Variants in ZNF846 observed in about 807,000 individuals in gnomAD.
The protein encoded by ZNF846 is zinc finger protein 846.
ZNF846 carries 15 observed loss-of-function variants against 16.0 expected under a neutral mutation model. The observed-to-expected ratio is 0.94, with a 90% CI of 0.63 to 1.45. The LOEUF is 1.45. ZNF846 is among the 40% of genes most tolerant of loss of function. The probability of loss-of-function intolerance (pLI) is 0.00; values close to 1 mark genes in which losing one functional copy is unlikely to be tolerated. For missense variants in ZNF846, 714 were observed against 622.3 expected, an observed-to-expected ratio of 1.15 and a Z score of -1.57; for synonymous variants, 229 against 212.0, an observed-to-expected ratio of 1.08 and a Z score of -0.70.
At chr19:9,760,129 T>C (rs2045201248) in intron 4 of ZNF846, among the ~76,000 whole-genome samples, 187 bp from the exon 5 acceptor site, 1 of 151,070 alleles carries the variant, frequency 6.6e-6, no homozygotes, top group Non-Finnish European at 1.5e-5. Flanking sequence ...CTGTCTCTAC[T>C]AAAAATACAA....
chr19:9,757,860 G>T, exon 6 of ZNF846: 1 of 1,613,290 alleles, frequency 6.2e-7, no homozygotes. Context: ...AAGCATTGAG[G>T]AATTATTAAA....
At chr19:9,758,800 A>G in intron 5 of ZNF846, 36 bp from the exon 6 acceptor site, 1 of 1,474,484 alleles carries the variant, frequency 6.8e-7, no homozygotes, top group Non-Finnish European at 9.1e-7. Context: ...AGAATTTCTC[A>G]CATTCAGTAT....
At chr19:9,768,554 G>C (rs1162374390) in exon 1 of ZNF846, 3 of 152,254 alleles carry the variant, frequency 2.0e-5, no homozygotes, top group Admixed American at 2.0e-4. Context: ...AGGAGGCGCC[G>C]CTTCTCCGGA....
downstream of ZNF846, among the ~76,000 whole-genome samples, chr19:9,750,354 A>G (rs1228157167): frequency 6.6e-6 from 1 of 152,152 alleles, no homozygotes. Flanking sequence ...ATACACCATG[A>G]GAACTGAACC....
intron 4 of ZNF846, 24 bp from the exon 5 acceptor site, chr19:9,759,966 C>T (rs1329057191): frequency 1.9e-6 from 3 of 1,591,732 alleles, no homozygotes; most frequent in Non-Finnish European, 2.6e-6. Flanking sequence ...AAAAATGCAG[C>T]TTGGGAGAAA....
upstream of ZNF846, among the ~76,000 whole-genome samples, chr19:9,771,938 T>C (rs940079290): frequency 1.3e-5 from 2 of 151,882 alleles, no homozygotes; most frequent in African/African-American, 2.4e-5. Context: ...CAGCTAATTT[T>C]TGTATTTTTA....
upstream of ZNF846, among the ~76,000 whole-genome samples, chr19:9,773,145 A>G (rs542687879): frequency 6.6e-6 from 1 of 152,350 alleles, no homozygotes; most frequent in African/African-American, 2.4e-5. Flanking sequence ...TTCTCCATAG[A>G]TGCTGATGAA....
intron 3 of ZNF846, among the ~76,000 whole-genome samples, chr19:9,763,071 G>A (rs2045255453): frequency 6.6e-6 from 1 of 151,992 alleles, no homozygotes; most frequent in East Asian, 1.9e-4. Context: ...TTGAATCCAG[G>A]AGGGGGGGCT....
At chr19:9,757,968 G>A (rs2145193908) in exon 6 of ZNF846, 1 of 1,613,094 alleles carries the variant, frequency 6.2e-7, no homozygotes, top group Non-Finnish European at 8.5e-7. Flanking sequence ...TTTCCCACAT[G>A]CCTTACATAA....
At position 9,785,102 on chromosome 19, in the gene ZNF846, A is replaced by T. The variant is rs141991960; in HGVS notation, c.-86+836T>A. ...CTGACCTAACCATAAGAAGTCAGTG[A>T]GACTGGGAAATATGCATCATTGATG... On this transcript the variant is annotated intron_variant, in intron 1 of 4. Coordinates refer to the ZNF846 transcript ENST00000586814. 7.2e-3 allele frequency among the ~76,000 whole-genome samples: 1,094 copies of T among 152,174 alleles called. 6 individuals carry two copies. Among genetic ancestry groups the T allele is most frequent in the Middle Eastern group, 0.014 (4 of 292 alleles).
intron 1 of ZNF846, among the ~76,000 whole-genome samples, chr19:9,776,746 C>G (rs1407978974): frequency 6.6e-6 from 1 of 152,152 alleles, no homozygotes; most frequent in Non-Finnish European, 1.5e-5. Flanking sequence ...AGAAGCCCAC[C>G]GACCCTGTGG....
chr19:9,769,020 G>T (rs1265857668), upstream of ZNF846, among the ~76,000 whole-genome samples: 3 of 152,230 alleles, frequency 2.0e-5, no homozygotes, highest in Non-Finnish European at 4.4e-5. Flanking sequence ...GCGTGGAGGC[G>T]TCACCTAAGG....
At chr19:9,749,546 CTTTTTTTTTTT>C (rs60331343), downstream of ZNF846, among the ~76,000 whole-genome samples, 1 of 125,564 alleles carries the variant, frequency 8.0e-6, no homozygotes, top group African/African-American at 3.1e-5. Flanking sequence ...ATAAGTCTTT[CTTTTTTTTTTT>C]TTTTTTTTTT....
At chr19:9,753,220 AT>A (rs1353191936), downstream of ZNF846, among the ~76,000 whole-genome samples, 9 of 3,436 alleles carry the variant, frequency 2.6e-3, no homozygotes, top group Middle Eastern at 0.12. Flanking sequence ...AGGAGACAAA[AT>A]TTATTTATTT....
intron 1 of ZNF846, among the ~76,000 whole-genome samples, chr19:9,784,389 C>G (rs945095784): frequency 1.3e-5 from 2 of 152,126 alleles, no homozygotes; most frequent in African/African-American, 4.8e-5. Context: ...GCATGTAGGC[C>G]AGATTTATGT....
upstream of ZNF846, among the ~76,000 whole-genome samples, chr19:9,769,466 A>G (rs918531847): frequency 2.0e-5 from 3 of 152,058 alleles, no homozygotes; most frequent in Admixed American, 6.6e-5. Context: ...CCTGGGCTCC[A>G]GTGATCCTTC....
At chr19:9,778,803 CAAAAAAAAAAAA>C (rs56001426) in intron 1 of ZNF846, among the ~76,000 whole-genome samples, 1 of 51,368 alleles carries the variant, frequency 1.9e-5, no homozygotes, top group Non-Finnish European at 4.1e-5. Flanking sequence ...AAACTCGTCT[CAAAAAAAAAAAA>C]AAAAAAAAAA....
exon 6 of ZNF846, chr19:9,758,181 T>C: frequency 6.2e-7 from 1 of 1,613,142 alleles, no homozygotes; most frequent in South Asian, 1.1e-5. Flanking sequence ...TCTTGTATGA[T>C]CAGTAAGGTA....
intron 1 of ZNF846, among the ~76,000 whole-genome samples, chr19:9,779,875 C>T (rs549432915): frequency 3.3e-4 from 49 of 149,920 alleles, no homozygotes; most frequent in Non-Finnish European, 6.5e-4. Context: ...GCCCGGCCAT[C>T]ACGACTTTTT....
Sources: gnomAD v4.1 joint callset for allele counts (sites outside exome capture counted in the v4.1 genomes callset) on GRCh38, gnomAD v4.1.1 for gene constraint, MANE v1.5 for transcripts, NCBI Gene and HGNC (gene_info 2026-07-23, HGNC 2026-07-21) for gene names.